The following EEIG2 variants were observed in gnomAD, a reference collection of about 807,000 sequenced individuals.
EEIG2 encodes the protein family with sequence similarity 102 member B.
At chr1:108,600,814 C>A in the EEIG2 span, 1 of 845,966 alleles carries the variant, frequency 1.2e-6, no homozygotes, top group East Asian at 2.7e-5. Flanking sequence ...ACTTCATGCT[C>A]GCTGCAGTAA....
At chr1:108,587,777 T>G in the EEIG2 span, among the ~76,000 whole-genome samples, 1 of 152,214 alleles carries the variant, frequency 6.6e-6, no homozygotes, top group African/African-American at 2.4e-5. Flanking sequence ...TATGAAGTCT[T>G]TCCTTCAATT....
the EEIG2 span, among the ~76,000 whole-genome samples, chr1:108,599,202 C>T: frequency 3.3e-4 from 50 of 152,012 alleles, no homozygotes; most frequent in East Asian, 4.1e-3. Context: ...ACTGATAGAT[C>T]GTAATAAAAA....
chr1:108,615,679 G>C, the EEIG2 span, among the ~76,000 whole-genome samples: 1 of 151,694 alleles, frequency 6.6e-6, no homozygotes, highest in African/African-American at 2.4e-5. Context: ...CTACTCAGAA[G>C]GCTGAGACAG....
chr1:108,560,465 T>G, the EEIG2 span: 48 of 1,612,914 alleles, frequency 3.0e-5, no homozygotes, highest in African/African-American at 6.1e-4. Context: ...TAAGGTGGAC[T>G]TCGAGCTCGA....
the EEIG2 span, among the ~76,000 whole-genome samples, chr1:108,590,544 A>G: frequency 6.6e-6 from 1 of 152,202 alleles, no homozygotes; most frequent in South Asian, 2.1e-4. Flanking sequence ...CCAAATTCCC[A>G]TGAGTTGTAG....
chr1:108,597,925 C>T, the EEIG2 span, among the ~76,000 whole-genome samples: 2 of 152,090 alleles, frequency 1.3e-5, no homozygotes, highest in Admixed American at 6.5e-5. Context: ...CTCAGTGGAC[C>T]CTGAAGGGTC....
At chr1:108,611,326 T>G in the EEIG2 span, among the ~76,000 whole-genome samples, 4 of 152,188 alleles carry the variant, frequency 2.6e-5, no homozygotes, top group South Asian at 4.1e-4. Flanking sequence ...TAGACTTAGC[T>G]TGCTCAAAAA....
the EEIG2 span, chr1:108,560,111 A>G: frequency 2.3e-5 from 4 of 173,598 alleles, no homozygotes; most frequent in East Asian, 1.8e-4. Flanking sequence ...GACGGGCGGC[A>G]GCGGCGGCGG....
chr1:108,566,697 A>T, the EEIG2 span, among the ~76,000 whole-genome samples: 19 of 143,680 alleles, frequency 1.3e-4, no homozygotes, highest in Non-Finnish European at 2.3e-4. Context: ...TCGGCCTTTT[A>T]AAAAAAAAAA....
chr1:108,637,940 CA>C, the EEIG2 span: 1 of 152,618 alleles, frequency 6.6e-6, no homozygotes, highest in Non-Finnish European at 1.5e-5. Context: ...CTGCTTATAC[CA>C]ACAGCTAATG....
chr1:108,592,160 T>C, the EEIG2 span, among the ~76,000 whole-genome samples: 1 of 152,206 alleles, frequency 6.6e-6, no homozygotes, highest in Middle Eastern at 3.2e-3. Flanking sequence ...GGAAGAGATA[T>C]TGAGAGTCTG....
chr1:108,611,549 A>G, the EEIG2 span, among the ~76,000 whole-genome samples: 1 of 152,228 alleles, frequency 6.6e-6, no homozygotes, highest in African/African-American at 2.4e-5. Context: ...GGGAGGAATT[A>G]GGTTTCATAA....
At chr1:108,622,147 C>A in the EEIG2 span, among the ~76,000 whole-genome samples, 1 of 152,062 alleles carries the variant, frequency 6.6e-6, no homozygotes, top group Non-Finnish European at 1.5e-5. Flanking sequence ...ATGAGCGAAA[C>A]TCCGTCTCAA....
At chr1:108,609,306 T>G in the EEIG2 span, among the ~76,000 whole-genome samples, 1 of 152,182 alleles carries the variant, frequency 6.6e-6, no homozygotes, top group African/African-American at 2.4e-5. Context: ...TTTGTGGAGC[T>G]TACATGCTAA....
At chr1:108,563,155 A>G in the EEIG2 span, among the ~76,000 whole-genome samples, 49 of 152,324 alleles carry the variant, frequency 3.2e-4, no homozygotes, top group African/African-American at 1.2e-3. Context: ...TGAATGGTAA[A>G]TGGTTCCATA....
At chr1:108,563,246 C>T in the EEIG2 span, among the ~76,000 whole-genome samples, 1 of 152,190 alleles carries the variant, frequency 6.6e-6, no homozygotes, top group African/African-American at 2.4e-5. Context: ...TAAATTCCAT[C>T]TGGAATTTTG....
the EEIG2 span, chr1:108,635,090 T>A: frequency 1.2e-6 from 2 of 1,614,092 alleles, no homozygotes; most frequent in Non-Finnish European, 1.7e-6. Context: ...TTGAAGTTTT[T>A]TTCCACTGCT....
At chr1:108,619,274 G>C in the EEIG2 span, among the ~76,000 whole-genome samples, 1 of 152,072 alleles carries the variant, frequency 6.6e-6, no homozygotes, top group Non-Finnish European at 1.5e-5. Flanking sequence ...AAAATAAGCA[G>C]ACATTACCTA....
chr1:108,567,332 G>A, the EEIG2 span, among the ~76,000 whole-genome samples: 5 of 152,108 alleles, frequency 3.3e-5, no homozygotes, highest in Admixed American at 1.3e-4. Context: ...TTCCCGTGAG[G>A]AAGGTGCTAT....
Sources: allele counts gnomAD v4.1 joint callset (sites outside exome capture counted in the v4.1 genomes callset), GRCh38; gene constraint gnomAD v4.1.1; transcripts MANE v1.5; gene names NCBI Gene and HGNC (gene_info 2026-07-23, HGNC 2026-07-21).